The following PRKCE variants were observed in gnomAD, a reference collection of about 807,000 sequenced individuals.
PRKCE encodes the protein protein kinase C epsilon type.
Under a neutral mutation model 85.4 loss-of-function variants are expected in PRKCE, and 16 were observed. That is an observed-to-expected ratio of 0.19 (90% CI 0.13 to 0.28). The LOEUF (loss-of-function observed/expected upper bound fraction) is 0.28, where lower values mean the gene tolerates loss of function less well. Among genes scored for constraint, PRKCE ranks in the 10% least tolerant of loss-of-function variants. The pLI is 1.00. For synonymous variants in PRKCE, 388 were observed against 371.5 expected, an observed-to-expected ratio of 1.04 and a Z score of -0.51; for missense variants, 573 against 975.2, an observed-to-expected ratio of 0.59 and a Z score of 5.49.
chr2:45,885,001 A>ATATATATTTTTTTTTTTTT (rs1342824133), intron 2 of PRKCE, among the ~76,000 whole-genome samples: 1 of 71,544 alleles, frequency 1.4e-5, no homozygotes, highest in Non-Finnish European at 2.7e-5. Context: ...ATATATATAT[A>ATATATATTTTTTTTTTTTT]TTTGTTGTTG....
chr2:45,923,676 G>A (rs534273304), intron 2 of PRKCE, among the ~76,000 whole-genome samples: 11 of 152,214 alleles, frequency 7.2e-5, no homozygotes, highest in Non-Finnish European at 1.3e-4. Context: ...ATTAAGTGCT[G>A]ACTTGTGCAG....
intron 2 of PRKCE, among the ~76,000 whole-genome samples, chr2:45,875,476 G>A (rs1332622109): frequency 1.3e-5 from 2 of 152,226 alleles, no homozygotes; most frequent in African/African-American, 4.8e-5. Flanking sequence ...CCAGGAACAG[G>A]GGTCTGGAGG....
intron 10 of PRKCE, among the ~76,000 whole-genome samples, chr2:46,074,425 CAA>C (rs1397833065): frequency 1.4e-4 from 2 of 14,132 alleles, no homozygotes; most frequent in South Asian, 2.0e-3. Context: ...CAAACAACAA[CAA>C]CCAAAAAAAA....
intron 1 of PRKCE, among the ~76,000 whole-genome samples, chr2:45,653,611 G>A (rs946988264): frequency 6.6e-6 from 1 of 151,990 alleles, no homozygotes; most frequent in Non-Finnish European, 1.5e-5. Context: ...ATGTCCTAGA[G>A]GTCAGAGGTT....
At chr2:46,043,843 T>G (rs1027085473) in intron 10 of PRKCE, among the ~76,000 whole-genome samples, 33 of 152,254 alleles carry the variant, frequency 2.2e-4, no homozygotes, top group African/African-American at 8.0e-4. Context: ...GTTTCTGTGA[T>G]TGAAATAGTG....
chr2:45,816,491 G>A (rs1286203229), intron 1 of PRKCE, among the ~76,000 whole-genome samples: 5 of 152,192 alleles, frequency 3.3e-5, no homozygotes, highest in Admixed American at 1.3e-4. Context: ...ACACCCAGAG[G>A]TGCCTTTTTG....
At chr2:45,901,801 G>C (rs1486087923) in intron 2 of PRKCE, among the ~76,000 whole-genome samples, 1 of 152,198 alleles carries the variant, frequency 6.6e-6, no homozygotes, top group African/African-American at 2.4e-5. Context: ...ATTCTTGGAA[G>C]TCTGTACCGT....
chr2:45,693,352 G>C (rs1484174129), intron 1 of PRKCE, among the ~76,000 whole-genome samples: 4 of 150,230 alleles, frequency 2.7e-5, no homozygotes, highest in African/African-American at 9.8e-5. Context: ...AGAAACTCGA[G>C]ATTAGCATTC....
At position 45,814,455 on chromosome 2, in the gene PRKCE, T is replaced by C. The variant is rs1476131767; in HGVS notation, c.349-28545T>C. ...CTTACCTCTGTCCTGATCTCTGGTTTCATCCCTGGCAACACTGCTGGGGGC... is the reference window on the plus strand; with the variant it reads ...CTTACCTCTGTCCTGATCTCTGGTTCCATCCCTGGCAACACTGCTGGGGGC... On this transcript the variant is annotated intron_variant, in intron 1 of 14. Transcript: ENST00000306156. Among the ~76,000 whole-genome samples the C allele has an allele frequency of 2.6e-5, 4 of 152,358 alleles. No individual in the cohort carries two copies. In the East Asian group the frequency reaches 5.8e-4, roughly 22 times the overall value.
intron 1 of PRKCE, among the ~76,000 whole-genome samples, chr2:45,769,517 A>C (rs1298774172): frequency 6.6e-6 from 1 of 152,208 alleles, no homozygotes; most frequent in Admixed American, 6.5e-5. Context: ...CATGGCATCC[A>C]GCAGGGATCT....
chr2:46,003,483 T>C (rs1245597021), intron 7 of PRKCE, among the ~76,000 whole-genome samples: 1 of 152,266 alleles, frequency 6.6e-6, no homozygotes, highest in Non-Finnish European at 1.5e-5. Flanking sequence ...TTATTGAGCA[T>C]CTATTATGTT....
intron 14 of PRKCE, among the ~76,000 whole-genome samples, chr2:46,179,050 T>C (rs1369212727): frequency 6.6e-6 from 1 of 151,876 alleles, no homozygotes; most frequent in Non-Finnish European, 1.5e-5. Flanking sequence ...GACCTCTGGG[T>C]TGGGGTCACT....
Position 46,001,484 on chromosome 2 carries a change from G to A in PRKCE, c.904G>A (p.Val302Ile). The part of the protein sequence containing the change: ...CGVDARGIAK[V>I]LADLGVTPDK... ...AGTGGATGCCAGAGGAATCGCCAAAGTACTGGCCGACCTGGGCGTTACCCC... is the reference window on the plus strand; with the variant it reads ...AGTGGATGCCAGAGGAATCGCCAAAATACTGGCCGACCTGGGCGTTACCCC... Residue 302 changes from valine to isoleucine, a missense_variant, in exon 7 of 15, where the codon GTA (valine) becomes ATA (isoleucine). By Grantham distance (29) the Val-to-Ile change is conservative. Around this residue, in one of 11 missense-constraint regions of PRKCE, gnomAD observed 55 missense variants for 128.1 expected, o/e 0.43. Coordinates refer to ENST00000306156, the MANE Select transcript of PRKCE (RefSeq NM_005400.3). The surrounding 1 kb of genome is among the most constrained non-coding windows in gnomAD (Gnocchi z 4.4). The A allele has an allele frequency of 1.3e-6, 2 of 1,599,530 alleles. No homozygotes were observed. Among genetic ancestry groups the A allele is most frequent in the Non-Finnish European group, 1.7e-6 (2 of 1,179,832 alleles).
At chr2:45,930,808 A>T (rs1262443202) in intron 2 of PRKCE, among the ~76,000 whole-genome samples, 4 of 152,142 alleles carry the variant, frequency 2.6e-5, no homozygotes, top group Admixed American at 2.6e-4. Context: ...GGCTTTAGGA[A>T]GTTTCGAGGA....
At chr2:46,183,666 T>C (rs1680213994) in intron 14 of PRKCE, among the ~76,000 whole-genome samples, 1 of 152,220 alleles carries the variant, frequency 6.6e-6, no homozygotes, top group South Asian at 2.1e-4. Context: ...CTGCCCTGTG[T>C]ATGCATCTTT....
intron 1 of PRKCE, among the ~76,000 whole-genome samples, chr2:45,683,325 C>G (rs76166812): frequency 0.014 from 2,099 of 152,230 alleles, 48 homozygotes; most frequent in African/African-American, 0.048. Flanking sequence ...CAATTTTTTC[C>G]CCTCAAGCAG....
At chr2:45,940,356 A>T (rs1230357613) in intron 2 of PRKCE, among the ~76,000 whole-genome samples, 2 of 152,214 alleles carry the variant, frequency 1.3e-5, no homozygotes, top group Admixed American at 6.5e-5. Context: ...TTCCATCTGT[A>T]TTCATTTTCT....
chr2:45,656,528 TTA>T (rs1384974972), intron 1 of PRKCE, among the ~76,000 whole-genome samples: 1 of 152,242 alleles, frequency 6.6e-6, no homozygotes, highest in Admixed American at 6.5e-5. Flanking sequence ...GTAAAATCTA[TTA>T]TAACACTATT....
chr2:46,054,830 T>G (rs1666406079), intron 10 of PRKCE, among the ~76,000 whole-genome samples: 2 of 150,032 alleles, frequency 1.3e-5, no homozygotes, highest in Admixed American at 1.3e-4. Flanking sequence ...ACCCCAGAAC[T>G]CAGACAGCAG....
Sources: gnomAD v4.1 joint callset for allele counts (sites outside exome capture counted in the v4.1 genomes callset) on GRCh38, gnomAD v4.1.1 for gene constraint, gnomAD v4.1.1 regional missense constraint, Gnocchi (gnomAD v3.1) non-coding constraint, MANE v1.5 for transcripts, NCBI Gene and HGNC (gene_info 2026-07-23, HGNC 2026-07-21) for gene names.